SLIT3: variants seen among roughly 807,000 people sequenced by gnomAD.
SLIT3 encodes the protein slit guidance ligand 3.
Under a neutral mutation model 184.0 loss-of-function variants are expected in SLIT3, and 68 were observed. That is an observed-to-expected ratio of 0.37 (90% CI 0.30 to 0.45). SLIT3 has a LOEUF of 0.45. Ranked by LOEUF, SLIT3 falls within the 20% of genes least tolerant of loss-of-function variation. The pLI is 1.00. For missense variants in SLIT3, 1,707 were observed against 2,026.0 expected, an observed-to-expected ratio of 0.84 and a Z score of 3.02; for synonymous variants, 831 against 828.6, an observed-to-expected ratio of 1.00 and a Z score of -0.05.
In SLIT3 at chr5:169,014,622, G is replaced by C. The variant is rs543780457; in HGVS notation, c.414-131286C>G. Among the ~76,000 whole-genome samples the C allele has an allele frequency of 5.1e-4, 78 of 152,348 alleles. No homozygotes were observed. The South Asian group carries it at 0.016, about 30-fold the overall frequency. On this transcript the variant is annotated intron_variant, in intron 4 of 35. Transcript: ENST00000519560. ...GAAGAGAAGGAAGGAAAATAGGGCAGAGAAGGTGAGCTAGCCCTGAGTGTA... is the reference window on the plus strand; with the variant it reads ...GAAGAGAAGGAAGGAAAATAGGGCACAGAAGGTGAGCTAGCCCTGAGTGTA...
intron 12 of SLIT3, among the ~76,000 whole-genome samples, chr5:168,781,454 T>C (rs1755966199): frequency 1.3e-5 from 2 of 152,170 alleles, no homozygotes; most frequent in Non-Finnish European, 2.9e-5. Context: ...CCAATGGCTT[T>C]CCAGGTACAC....
intron 4 of SLIT3, among the ~76,000 whole-genome samples, chr5:168,930,388 T>C (rs1359055000): frequency 1.3e-5 from 2 of 152,100 alleles, no homozygotes; most frequent in African/African-American, 4.8e-5. Context: ...GCAGACACAT[T>C]TGCATGCTGA....
chr5:168,967,576 A>T (rs532031362), intron 4 of SLIT3, among the ~76,000 whole-genome samples: 1 of 140,894 alleles, frequency 7.1e-6, no homozygotes, highest in East Asian at 2.1e-4. Context: ...AGTAGCTGGG[A>T]CTACAGGCGC....
intron 5 of SLIT3, among the ~76,000 whole-genome samples, chr5:168,883,009 T>C (rs1350535080): frequency 6.6e-6 from 1 of 152,240 alleles, no homozygotes; most frequent in Non-Finnish European, 1.5e-5. Context: ...ACCAAGGCTC[T>C]GTAGGGCCAG....
At chr5:169,045,582 G>T (rs1336458392) in intron 4 of SLIT3, among the ~76,000 whole-genome samples, 1 of 152,170 alleles carries the variant, frequency 6.6e-6, no homozygotes, top group Non-Finnish European at 1.5e-5. Flanking sequence ...AGGAGTGAAT[G>T]AATATGTGTA....
intron 20 of SLIT3, among the ~76,000 whole-genome samples, chr5:168,726,056 C>A (rs1763098136): frequency 6.6e-6 from 1 of 152,136 alleles, no homozygotes; most frequent in East Asian, 2.0e-4. Context: ...TTGCTTTGAT[C>A]CTCGATTGTG....
At chr5:168,854,095 C>T (rs1423245764) in intron 5 of SLIT3, among the ~76,000 whole-genome samples, 2 of 152,154 alleles carry the variant, frequency 1.3e-5, no homozygotes, top group African/African-American at 4.8e-5. Context: ...TCGGCTAGTA[C>T]ATGGGAGAGT....
At chr5:169,039,410 G>C (rs562584348) in intron 4 of SLIT3, among the ~76,000 whole-genome samples, 1 of 149,686 alleles carries the variant, frequency 6.7e-6, no homozygotes, top group African/African-American at 2.5e-5. Context: ...TCCACTTCCC[G>C]GGTTCATGCC....
intron 4 of SLIT3, among the ~76,000 whole-genome samples, chr5:169,087,106 G>A (rs1003479009): frequency 6.6e-6 from 1 of 152,094 alleles, no homozygotes; most frequent in Non-Finnish European, 1.5e-5. Flanking sequence ...GCACCCTCCC[G>A]GCATGCTATT....
intron 4 of SLIT3, among the ~76,000 whole-genome samples, chr5:169,079,747 A>AGG: frequency 1.6e-5 from 1 of 63,270 alleles, no homozygotes; most frequent in Non-Finnish European, 2.9e-5. Flanking sequence ...AGAGGAGGAG[A>AGG]GAAGAGGAGG....
At chr5:169,175,985 G>A (rs1762971761) in intron 4 of SLIT3, among the ~76,000 whole-genome samples, 1 of 152,226 alleles carries the variant, frequency 6.6e-6, no homozygotes, top group Non-Finnish European at 1.5e-5. Flanking sequence ...CAAAGTCCAT[G>A]AAGTAAGCTC....
intron 4 of SLIT3, among the ~76,000 whole-genome samples, chr5:169,071,727 C>G (rs1758556217): frequency 6.6e-6 from 1 of 152,170 alleles, no homozygotes; most frequent in Admixed American, 6.5e-5. Context: ...CTGGCGGTCC[C>G]TTTCCACCAC....
intron 3 of SLIT3, among the ~76,000 whole-genome samples, chr5:169,211,656 A>G (rs1336415840): frequency 1.3e-5 from 2 of 152,126 alleles, no homozygotes; most frequent in African/African-American, 4.8e-5. Context: ...TTTTATTATT[A>G]TACTTTACAT....
chr5:169,002,090 G>T (rs1422376620), intron 4 of SLIT3, among the ~76,000 whole-genome samples: 1 of 152,036 alleles, frequency 6.6e-6, no homozygotes, highest in Non-Finnish European at 1.5e-5. Flanking sequence ...GAGGCAGGCA[G>T]ATCACCTGAG....
intron 20 of SLIT3, among the ~76,000 whole-genome samples, chr5:168,730,539 G>A (rs966478569): frequency 6.6e-6 from 1 of 151,690 alleles, no homozygotes. Flanking sequence ...CTCAGATCAC[G>A]GTAATTTAAG....
At chr5:168,981,945 A>G (rs1217759081) in intron 4 of SLIT3, among the ~76,000 whole-genome samples, 1 of 152,172 alleles carries the variant, frequency 6.6e-6, no homozygotes, top group African/African-American at 2.4e-5. Context: ...AGACATAAAC[A>G]CTGAAGTTGA....
chr5:168,719,019 TAAATA>T (rs1327997882), intron 23 of SLIT3, among the ~76,000 whole-genome samples: 3 of 152,374 alleles, frequency 2.0e-5, no homozygotes, highest in Non-Finnish European at 4.4e-5. Context: ...CCCTCAGTTG[TAAATA>T]TGTTACCATC....
chr5:168,694,997 A>C (rs1762010998), intron 28 of SLIT3, among the ~76,000 whole-genome samples: 1 of 152,188 alleles, frequency 6.6e-6, no homozygotes, highest in Admixed American at 6.5e-5. Flanking sequence ...TATTAGAGCA[A>C]GTGGTTTTCT....
intron 1 of SLIT3, among the ~76,000 whole-genome samples, chr5:169,284,309 TG>T (rs978461167): frequency 1.1e-4 from 16 of 152,204 alleles, no homozygotes; most frequent in Non-Finnish European, 1.9e-4. Context: ...GCAGCTTACC[TG>T]GGACCCTGAG....
Sources: gnomAD v4.1 joint callset for allele counts (sites outside exome capture counted in the v4.1 genomes callset) on GRCh38, gnomAD v4.1.1 for gene constraint, MANE v1.5 for transcripts, NCBI Gene and HGNC (gene_info 2026-07-23, HGNC 2026-07-21) for gene names.